ABCB9: variants seen among roughly 807,000 people sequenced by gnomAD.
ABCB9 encodes ABC-type oligopeptide transporter ABCB9.
ABCB9 carries 36 observed loss-of-function variants against 62.0 expected under a neutral mutation model. The observed-to-expected ratio is 0.58, with a 90% CI of 0.45 to 0.77. The LOEUF (loss-of-function observed/expected upper bound fraction) is 0.77, where lower values mean the gene tolerates loss of function less well. Among genes scored for constraint, ABCB9 ranks in the 30% least tolerant of loss-of-function variants. The probability of loss-of-function intolerance (pLI) is 0.00; values close to 1 mark genes in which losing one functional copy is unlikely to be tolerated. For synonymous variants in ABCB9, 435 were observed against 461.4 expected (o/e 0.94, Z 0.73); for missense variants, 943 against 1,054.7 (o/e 0.89, Z 1.47).
chr12:122,967,895 T>G (rs1233267044), upstream of ABCB9, among the ~76,000 whole-genome samples: 3 of 151,718 alleles, frequency 2.0e-5, no homozygotes, highest in Non-Finnish European at 2.9e-5. Flanking sequence ...CAACACTATG[T>G]TTTTTTTTAA....
In ABCB9 at chr12:122,935,283, C is replaced by G; in HGVS notation, c.1892G>C (p.Gly631Ala). 1 of 1,608,952 alleles carries G rather than the reference C, an allele frequency of 6.2e-7. No homozygotes were observed. Among genetic ancestry groups the G allele is most frequent in the African/African-American group, 1.3e-5 (1 of 74,906 alleles). ...AHGFIMELQD[G>A]YSTETGEKGA... Reference sequence around the variant, plus strand: ...CCCCAGCTCCACACCTGTGCTGTAGCCGTCCTGGAGTTCCATGATGAAGCC... The same window carrying G: ...CCCCAGCTCCACACCTGTGCTGTAGGCGTCCTGGAGTTCCATGATGAAGCC... The change falls in exon 10 of 12, where the codon GGC (glycine) becomes GCC (alanine). Residue 631 changes from glycine to alanine, a missense_variant. Transcript: ENST00000280560.
chr12:122,954,763 G>A (rs988970728), intron 2 of ABCB9, among the ~76,000 whole-genome samples: 5 of 152,178 alleles, frequency 3.3e-5, no homozygotes, highest in African/African-American at 9.7e-5. Context: ...AAAGTGCTGG[G>A]ATTATAGGTG....
intron 11 of ABCB9, among the ~76,000 whole-genome samples, chr12:122,922,064 G>T (rs1174262598): frequency 1.3e-5 from 2 of 152,098 alleles, no homozygotes; most frequent in African/African-American, 2.4e-5. Context: ...TCTGGGCCAG[G>T]TTCTCAGCCG....
At chr12:122,955,199 C>T (rs1269779919) in intron 2 of ABCB9, among the ~76,000 whole-genome samples, 2 of 152,176 alleles carry the variant, frequency 1.3e-5, no homozygotes, top group Non-Finnish European at 2.9e-5. Context: ...GTCAAGTGAG[C>T]GTTGGCCAGG....
chr12:122,947,626 G>A lies in ABCB9; in HGVS notation c.1053+998C>T, dbSNP rs2036115168. On this transcript the variant is annotated intron_variant, in intron 5 of 11. Coordinates refer to ENST00000280560, the MANE Select transcript of ABCB9 (RefSeq NM_019625.4). The surrounding 1 kb of genome is among the most constrained non-coding windows in gnomAD (Gnocchi z 6.0). The stretch of plus-strand genomic sequence containing the variant: ...CAGCCTGTCTGTCCCTTAGGGCTCG[G>A]GGGCACCCGCCCATTCAGGAAGCAG... 3.5e-6 allele frequency: 1 copy of A among 285,534 alleles called. No individual in the cohort carries two copies. Among genetic ancestry groups the A allele is most frequent in the Middle Eastern group, 5.7e-4 (1 of 1,762 alleles). 17.7% of individuals were successfully genotyped at this position (285,534 alleles called of 1,614,324 possible). A position where few individuals can be genotyped will look rare whatever the true frequency, so the allele number is the denominator to read the frequency against.
upstream of ABCB9, among the ~76,000 whole-genome samples, chr12:122,967,454 C>G (rs1220818659): frequency 6.6e-6 from 1 of 152,140 alleles, no homozygotes; most frequent in African/African-American, 2.4e-5. Flanking sequence ...CCCAGAGGGG[C>G]AGCAGGTGGG....
chr12:122,957,908 G>A (rs1003870767), intron 2 of ABCB9, among the ~76,000 whole-genome samples: 6 of 151,310 alleles, frequency 4.0e-5, no homozygotes, highest in African/African-American at 1.5e-4. Flanking sequence ...AGTGGCTCAT[G>A]CCTGTAATCC....
chr12:122,930,255 G>GCTTA lies in ABCB9; in HGVS notation c.2041-88_2041-85dup, dbSNP rs1396601345. Reference sequence around the variant, plus strand: ...TTCATGCCACGGCCTATGGGCTGATGCTTAACCTCTCTGAGGCTCAGTTCA... The same window carrying GCTTA: ...TTCATGCCACGGCCTATGGGCTGATGCTTACTTAACCTCTCTGAGGCTCAGTTCA... On this transcript the variant is annotated intron_variant, in intron 11 of 11. Coordinates refer to ENST00000280560, the MANE Select transcript of ABCB9 (RefSeq NM_019625.4). This position sits in a 1 kb window ranked among gnomAD's most constrained non-coding sequence, Gnocchi z 4.9. 10 of 1,322,714 alleles carry GCTTA rather than the reference G, an allele frequency of 7.6e-6. No homozygotes were observed. The highest frequency in any genetic ancestry group is 1.0e-5 in the Non-Finnish European group (10 of 980,158). 81.9% of individuals were successfully genotyped at this position (1,322,714 alleles called of 1,614,324 possible).
At position 122,932,276 on chromosome 12, in the gene ABCB9, G is replaced by T. The variant is rs1454221349; in HGVS notation, c.1956C>A (p.Ala652=). ...GGTTCCGCACCAGAGCCCGGGCCAT[G>T]GCCACCCGCTGCTTCTGGCCACCTG... The part of the protein sequence containing the change: ...QLSGGQKQRV[A]MARALVRNPP... Residue 652 remains alanine (A), a synonymous_variant, in exon 11 of 12, where the codon GCC becomes GCA. Coordinates refer to ENST00000280560, the MANE Select transcript of ABCB9 (RefSeq NM_019625.4). This position sits in a 1 kb window ranked among gnomAD's most constrained non-coding sequence, Gnocchi z 4.7. 6 of 1,551,320 alleles carry T rather than the reference G, an allele frequency of 3.9e-6. No homozygotes were observed. In the Admixed American group the frequency reaches 1.2e-4, roughly 30 times the overall value.
At position 122,929,233 on chromosome 12, in the gene ABCB9, CCT is replaced by C. The variant is rs2035011390; in HGVS notation, c.*676_*677del. 3.0e-6 allele frequency: 3 copies of C among 986,118 alleles called. No individual in the cohort carries two copies. The highest frequency in any genetic ancestry group is 4.7e-5 in the South Asian group (1 of 21,298). 61.1% of individuals were successfully genotyped at this position (986,118 alleles called of 1,614,324 possible). On this transcript the variant is annotated 3_prime_UTR_variant, in exon 12 of 12. Coordinates refer to ENST00000280560, the MANE Select transcript of ABCB9 (RefSeq NM_019625.4). The surrounding 1 kb of genome is among the most constrained non-coding windows in gnomAD (Gnocchi z 6.0). ...CGCTGGGTGCCGGGCTGGGGGCACC[CCT>C]GAGGCCCCTCCAGACCTGGCCAGCC... is the stretch of plus-strand genomic sequence containing the variant.
At chr12:122,925,087 T>C (rs1479285734), downstream of ABCB9, among the ~76,000 whole-genome samples, 1 of 152,034 alleles carries the variant, frequency 6.6e-6, no homozygotes, top group Non-Finnish European at 1.5e-5. Context: ...CGGCTAGCAG[T>C]TTTTGGATTT....
intron 7 of ABCB9, among the ~76,000 whole-genome samples, chr12:122,942,419 T>C (rs549048943): frequency 0.037 from 5,489 of 150,114 alleles, 320 homozygotes; most frequent in African/African-American, 0.13. Flanking sequence ...GCAACCCCAT[T>C]TCTACTGAAA....
At chr12:122,945,938 G>T in intron 6 of ABCB9, 87 bp downstream of exon 6, 2 of 1,251,812 alleles carry the variant, frequency 1.6e-6, no homozygotes, top group Non-Finnish European at 2.3e-6. Context: ...ACACCAACAT[G>T]CAGGACTGAT....
chr12:122,921,899 CAA>C (rs2135729341), intron 11 of ABCB9, among the ~76,000 whole-genome samples: 1 of 152,244 alleles, frequency 6.6e-6, no homozygotes, highest in South Asian at 2.1e-4. Flanking sequence ...GGGCCAGAAA[CAA>C]ATGGTCAGCA....
chr12:122,928,393 C>T (rs1405971508), downstream of ABCB9, among the ~76,000 whole-genome samples: 2 of 150,562 alleles, frequency 1.3e-5, no homozygotes, highest in African/African-American at 4.9e-5. Flanking sequence ...CGCTTGAACT[C>T]GGGAGGTGGA....
chr12:122,957,664 CTTTT>C (rs754788374), intron 2 of ABCB9, among the ~76,000 whole-genome samples: 2 of 113,984 alleles, frequency 1.8e-5, no homozygotes, highest in African/African-American at 6.4e-5. Context: ...ATATTAATAT[CTTTT>C]TTTTTTTTTT....
At chr12:122,969,648 G>A (rs2037248235), upstream of ABCB9, among the ~76,000 whole-genome samples, 1 of 151,116 alleles carries the variant, frequency 6.6e-6, no homozygotes, top group Non-Finnish European at 1.5e-5. Context: ...GAGGTGGGAG[G>A]ATTGCTTGAA....
chr12:122,960,327 A>G lies in ABCB9; in HGVS notation c.-87-5T>C. 1 of 1,481,698 alleles carries G rather than the reference A, an allele frequency of 6.7e-7. No individual in the cohort carries two copies. The highest frequency in any genetic ancestry group is 9.0e-7 in the Non-Finnish European group (1 of 1,110,522). 91.8% of individuals were successfully genotyped at this position (1,481,698 alleles called of 1,614,324 possible). The stretch of plus-strand genomic sequence containing the variant: ...ATCCACAGGGCGAGGCCAGGCCTGT[A>G]GGGACAACAGCAAACATCAGCACAA... On this transcript the variant is annotated splice_polypyrimidine_tract_variant and splice_region_variant and intron_variant, in intron 1 of 11. Coordinates refer to ENST00000280560, the MANE Select transcript of ABCB9 (RefSeq NM_019625.4).
chr12:122,941,739 T>G (rs2035770763), intron 7 of ABCB9, among the ~76,000 whole-genome samples: 1 of 152,076 alleles, frequency 6.6e-6, no homozygotes, highest in Non-Finnish European at 1.5e-5. Flanking sequence ...TATTTATTTT[T>G]TTTGAGAGGA....
Sources: allele counts gnomAD v4.1 joint callset (sites outside exome capture counted in the v4.1 genomes callset), GRCh38; gene constraint gnomAD v4.1.1; non-coding constraint Gnocchi (gnomAD v3.1); transcripts MANE v1.5; gene names NCBI Gene and HGNC (gene_info 2026-07-23, HGNC 2026-07-21).